The following PUM1 variants were observed in gnomAD, a reference collection of about 807,000 sequenced individuals.
PUM1 encodes pumilio homolog 1.
PUM1 carries 13 observed loss-of-function variants against 131.8 expected under a neutral mutation model. The ratio of observed to expected loss-of-function variants is 0.10; its 90% confidence interval spans 0.06 to 0.16. The LOEUF is 0.16. Among genes scored for constraint, PUM1 ranks in the 10% least tolerant of loss-of-function variants. PUM1 has a pLI of 1.00. For missense variants in PUM1, 961 were observed against 1,512.4 expected, an observed-to-expected ratio of 0.64 and a Z score of 6.05; for synonymous variants, 509 against 556.5, an observed-to-expected ratio of 0.91 and a Z score of 1.20.
chr1:30,979,125 G>GAGAA (rs1045992638), intron 9 of PUM1, among the ~76,000 whole-genome samples: 1 of 145,236 alleles, frequency 6.9e-6, no homozygotes, highest in Non-Finnish European at 1.5e-5. Context: ...AAGAGAGAGA[G>GAGAA]AGAAAGAAAG....
chr1:30,959,127 T>G (rs1360650352), intron 14 of PUM1, among the ~76,000 whole-genome samples: 1 of 152,218 alleles, frequency 6.6e-6, no homozygotes, highest in African/African-American at 2.4e-5. Flanking sequence ...AGAAATGGGT[T>G]AAGTAAAAAT....
In PUM1 at chr1:31,007,202, G is replaced by A. The variant is rs143341843; in HGVS notation, c.433-100C>T. The A allele has an allele frequency of 8.4e-5, 68 of 811,748 alleles. No homozygotes were observed. The African/African-American group carries it at 1.1e-3, about 13-fold the overall frequency. 50.3% of individuals were successfully genotyped at this position (811,748 alleles called of 1,614,324 possible). A position where few individuals can be genotyped will look rare whatever the true frequency, so the allele number is the denominator to read the frequency against. On this transcript the variant is annotated intron_variant, in intron 3 of 21. Coordinates refer to ENST00000426105, the MANE Select transcript of PUM1 (RefSeq NM_001020658.2). ...AGACAAGGGTACTGAAGATGCTCAC[G>A]TGCCCTGAAGGTCTTTAATTAAAGT...
intron 3 of PUM1, among the ~76,000 whole-genome samples, chr1:31,010,868 A>G (rs1314177386): frequency 6.6e-6 from 1 of 152,220 alleles, no homozygotes. Context: ...TATGAGGCTT[A>G]AACAACTGTC....
At chr1:30,966,404 C>A in intron 12 of PUM1, 126 bp from the exon 13 acceptor site, 1 of 954,958 alleles carries the variant, frequency 1.0e-6, no homozygotes. Context: ...ACAAACCATA[C>A]AAATCTGTCT....
intron 20 of PUM1, among the ~76,000 whole-genome samples, chr1:30,937,693 A>G (rs1206251474): frequency 1.3e-5 from 2 of 152,348 alleles, no homozygotes; most frequent in African/African-American, 4.8e-5. Context: ...AGATGACAGA[A>G]GAGTCAATGA....
At chr1:30,941,945 G>A (rs1233890209) in intron 19 of PUM1, 53 bp downstream of exon 19, 1 of 1,456,356 alleles carries the variant, frequency 6.9e-7, no homozygotes, top group East Asian at 2.9e-5. Context: ...ACAAACTCTG[G>A]CCCTGCACAA....
At chr1:31,036,081 GTT>G (rs769908460) in intron 2 of PUM1, among the ~76,000 whole-genome samples, 1 of 142,188 alleles carries the variant, frequency 7.0e-6, no homozygotes. Context: ...ACTCAAGTTT[GTT>G]TTTTTTTTTT....
At chr1:31,010,655 C>G (rs1570266427) in intron 3 of PUM1, among the ~76,000 whole-genome samples, 1 of 152,206 alleles carries the variant, frequency 6.6e-6, no homozygotes. Flanking sequence ...GTCCAACAAC[C>G]AGCAAAGAAT....
chr1:31,039,501 G>C (rs1457937169), intron 2 of PUM1, among the ~76,000 whole-genome samples: 1 of 152,110 alleles, frequency 6.6e-6, no homozygotes, highest in Non-Finnish European at 1.5e-5. Flanking sequence ...GGGATAACAG[G>C]CATGAGCCAC....
chr1:31,009,796 G>A lies in PUM1; in HGVS notation c.433-2694C>T, dbSNP rs12033894. On this transcript the variant is annotated intron_variant, in intron 3 of 21. Transcript: ENST00000426105. ...AAAAAAAAAAAAAAAAACAAAAACA[G>A]AAACAAAAAAAAACACCTCAAGGAA... Among the ~76,000 whole-genome samples the A allele has an allele frequency of 3.4e-3, 152 of 44,150 alleles. 1 individual carries two copies. In the Middle Eastern group the frequency reaches 0.11, roughly 31 times the overall value. The allele number at this position is 44,150 out of a possible 152,430, so 29.0% of individuals were successfully genotyped here.
rs74566427 is a variant in PUM1, at chr1:31,029,324, C to G, written c.364-460G>C. ...TCCACTATTTCTCTTTGGTAAACCTCAGGAAAGGGGGATGCAAACCCTATA... is the reference window on the plus strand; with the variant it reads ...TCCACTATTTCTCTTTGGTAAACCTGAGGAAAGGGGGATGCAAACCCTATA... On this transcript the variant is annotated intron_variant, in intron 2 of 21. Transcript: ENST00000426105. 5.8e-4 allele frequency among the ~76,000 whole-genome samples: 89 copies of G among 152,312 alleles called. 1 individual carries two copies. In the East Asian group the frequency reaches 0.016, roughly 28 times the overall value.
rs975323815 is a variant in PUM1, at chr1:31,023,734, T to C, written c.432+5062A>G. Reference sequence around the variant, plus strand: ...TCACGAAGTCAAGAGATAGAGACCATCCTGGCCAACATGGTGAAACCCCGT... The same window carrying C: ...TCACGAAGTCAAGAGATAGAGACCACCCTGGCCAACATGGTGAAACCCCGT... On this transcript the variant is annotated intron_variant, in intron 3 of 21. Coordinates refer to ENST00000426105, the MANE Select transcript of PUM1 (RefSeq NM_001020658.2). Among the ~76,000 whole-genome samples the C allele has an allele frequency of 2.2e-5, 3 of 138,342 alleles. No individual in the cohort carries two copies. The Admixed American group carries it at 2.2e-4, about 10-fold the overall frequency. The allele number at this position is 138,342 out of a possible 152,430, so 90.8% of individuals were successfully genotyped here. A position where few individuals can be genotyped will look rare whatever the true frequency, so the allele number is the denominator to read the frequency against.
chr1:30,967,269 C>G lies in PUM1; in HGVS notation c.1687G>C (p.Gly563Arg), dbSNP rs569687146. ...LAPAAYYDQT[G>R]ALVVNAGARN... is the part of the protein sequence containing the mutation. ...GCGCCTGCATTCACTACAAGGGCACCAGTTTGGTCATAGTAAGCAGCAGGA... is the reference window on the plus strand; with the variant it reads ...GCGCCTGCATTCACTACAAGGGCACGAGTTTGGTCATAGTAAGCAGCAGGA... The change falls in exon 12 of 22, where the codon GGT (glycine) becomes CGT (arginine). Residue 563 changes from glycine (G) to arginine (R), a missense_variant. Gly to Arg is a moderately radical substitution (Grantham distance 125). This residue lies in a region of PUM1 where 654 missense variants were observed against 923.9 expected (regional missense o/e 0.71). Transcript: ENST00000426105. 1 of 1,613,974 alleles carries G rather than the reference C, an allele frequency of 6.2e-7. No individual in the cohort carries two copies. The highest frequency in any genetic ancestry group is 1.3e-5 in the African/African-American group (1 of 75,010).
At chr1:30,991,383 G>C (rs1424880512) in intron 7 of PUM1, among the ~76,000 whole-genome samples, 1 of 152,098 alleles carries the variant, frequency 6.6e-6, no homozygotes, top group Non-Finnish European at 1.5e-5. Flanking sequence ...AACGACACAG[G>C]AGACTTAAAG....
chr1:31,049,823 CTTTTT>C (rs773718125), intron 2 of PUM1, among the ~76,000 whole-genome samples: 19 of 80,004 alleles, frequency 2.4e-4, no homozygotes, highest in African/African-American at 8.2e-4. Flanking sequence ...ACTGAACTTC[CTTTTT>C]TTTTTTTTTT....
At chr1:31,016,547 T>C (rs1037982846) in intron 3 of PUM1, among the ~76,000 whole-genome samples, 2 of 152,224 alleles carry the variant, frequency 1.3e-5, no homozygotes, top group Non-Finnish European at 2.9e-5. Flanking sequence ...TCCACTTTAA[T>C]CAGTTACTCA....
rs548071219 is a variant in PUM1 at position 30,958,002 on chromosome 1, G to A, written c.2324-4021C>T. Reference sequence around the variant, plus strand: ...ACATGGTTGGTTTTACAGCTGATACGTCTCCTTCAAAGAACCAAGTGAGAA... The same window carrying A: ...ACATGGTTGGTTTTACAGCTGATACATCTCCTTCAAAGAACCAAGTGAGAA... On this transcript the variant is annotated intron_variant, in intron 14 of 21. Transcript: ENST00000426105. 4.6e-5 allele frequency among the ~76,000 whole-genome samples: 7 copies of A among 152,262 alleles called. No homozygotes were observed. The South Asian group carries it at 8.3e-4, about 18-fold the overall frequency.
chr1:31,061,225 T>C (rs893722435), intron 1 of PUM1, among the ~76,000 whole-genome samples: 9 of 152,032 alleles, frequency 5.9e-5, no homozygotes, highest in Non-Finnish European at 1.2e-4. Flanking sequence ...TTCGGAGACT[T>C]AGGCAGGGAG....
At chr1:30,967,080 A>G (rs1442911425) in intron 12 of PUM1, 87 bp downstream of exon 12, 4 of 1,541,436 alleles carry the variant, frequency 2.6e-6, no homozygotes, top group Non-Finnish European at 3.6e-6. Context: ...AGAATTGCCA[A>G]AAGTTTATTT....
Sources: allele counts gnomAD v4.1 joint callset (sites outside exome capture counted in the v4.1 genomes callset), GRCh38; gene constraint gnomAD v4.1.1; regional missense constraint gnomAD v4.1.1; transcripts MANE v1.5; gene names NCBI Gene and HGNC (gene_info 2026-07-23, HGNC 2026-07-21).